Variants in IRF6 observed in about 807,000 individuals in gnomAD.
The protein encoded by IRF6 is interferon regulatory factor 6.
IRF6 carries 6 observed loss-of-function variants against 51.4 expected under a neutral mutation model. The ratio of observed to expected loss-of-function variants is 0.12; its 90% CI spans 0.06 to 0.23. IRF6 has a LOEUF of 0.23. Among genes scored for constraint, IRF6 ranks in the 10% least tolerant of loss-of-function variants. The probability of loss-of-function intolerance (pLI) is 1.00; values close to 1 mark genes in which losing one functional copy is unlikely to be tolerated. For synonymous variants in IRF6, 178 were observed against 215.7 expected (o/e 0.83, Z 1.53); for missense variants, 348 against 585.2 (o/e 0.59, Z 4.18).
chr1:209,801,516 C>T, intron 2 of IRF6, 100 bp from the exon 3 acceptor site: 2 of 939,708 alleles, frequency 2.1e-6, no homozygotes, highest in Admixed American at 2.5e-5. Context: ...GCTACAGTTT[C>T]ACTAGATTAC....
At chr1:209,793,950 G>A (rs1022652483) in intron 5 of IRF6, among the ~76,000 whole-genome samples, 7 of 152,030 alleles carry the variant, frequency 4.6e-5, no homozygotes, top group African/African-American at 9.7e-5. Flanking sequence ...TATGTACCAC[G>A]TTTTCTTTAT....
At chr1:209,797,404 AG>A (rs1238318245) in intron 3 of IRF6, among the ~76,000 whole-genome samples, 4 of 140,582 alleles carry the variant, frequency 2.8e-5, no homozygotes, top group African/African-American at 1.0e-4. Flanking sequence ...AAAGAATTGT[AG>A]AAACCAAGTG....
intron 4 of IRF6, 97 bp from the exon 5 acceptor site, chr1:209,795,515 G>A: frequency 6.4e-7 from 1 of 1,572,844 alleles, no homozygotes; most frequent in East Asian, 2.3e-5. Context: ...CTAGCCCAGA[G>A]GCTCCTCAGG....
intron 3 of IRF6, among the ~76,000 whole-genome samples, chr1:209,799,223 T>C (rs985375578): frequency 2.6e-5 from 4 of 152,186 alleles, no homozygotes; most frequent in African/African-American, 9.7e-5. Flanking sequence ...ACACATGCAG[T>C]TGACGGTAGT....
chr1:209,792,460 G>C lies in IRF6; in HGVS notation c.509-33C>G, dbSNP rs113506583. 35 of 1,609,192 alleles carry C rather than the reference G, an allele frequency of 2.2e-5. 1 individual carries two copies. In the African/African-American group the frequency reaches 3.2e-4, roughly 15 times the overall value. On this transcript the variant is annotated intron_variant, in intron 5 of 8. Transcript: ENST00000367021. ...AAAAGCATATGGTGAGCAGACAGGG[G>C]TACCACACGTGCACATCACTTGCTG...
At position 209,792,438 on chromosome 1, in the gene IRF6, A is replaced by T. The variant is rs750350058; in HGVS notation, c.509-11T>A. ...GCGCCATGGGAGAACCTAAAACAAA[A>T]GCATATGGTGAGCAGACAGGGGTAC... On this transcript the variant is annotated splice_polypyrimidine_tract_variant and intron_variant, in intron 5 of 8. Coordinates refer to ENST00000367021, the MANE Select transcript of IRF6 (RefSeq NM_006147.4). The T allele has an allele frequency of 6.2e-7, 1 of 1,613,444 alleles. No individual in the cohort carries two copies. The highest frequency in any genetic ancestry group is 1.1e-5 in the South Asian group (1 of 91,068).
At chr1:209,797,548 G>T (rs956567667) in intron 3 of IRF6, among the ~76,000 whole-genome samples, 2 of 152,104 alleles carry the variant, frequency 1.3e-5, no homozygotes, top group South Asian at 4.2e-4. Flanking sequence ...ACATCATGCT[G>T]TCAACCACAC....
At chr1:209,799,321 T>TC (rs1403483607) in intron 3 of IRF6, among the ~76,000 whole-genome samples, 2 of 152,096 alleles carry the variant, frequency 1.3e-5, no homozygotes, top group Non-Finnish European at 2.9e-5. Context: ...TGGGTTCAAA[T>TC]CCTACCCCCA....
chr1:209,795,274 C>G lies in IRF6; in HGVS notation c.508+16G>C. The G allele has an allele frequency of 6.2e-7, 1 of 1,614,062 alleles. No homozygotes were observed. Among genetic ancestry groups the G allele is most frequent in the South Asian group, 1.1e-5 (1 of 91,084 alleles). The stretch of plus-strand genomic sequence containing the variant: ...ATCCTCCATATGTCTCTGTACCACC[C>G]ATCATCCCCACTCACCATTGATGTT... On this transcript the variant is annotated intron_variant, in intron 5 of 8. Coordinates refer to ENST00000367021, the MANE Select transcript of IRF6 (RefSeq NM_006147.4).
At chr1:209,801,559 C>A in intron 2 of IRF6, 143 bp from the exon 3 acceptor site, 2 of 677,478 alleles carry the variant, frequency 3.0e-6, no homozygotes, top group East Asian at 2.7e-5. Flanking sequence ...ATAAGCTGTG[C>A]CAGGTGGGAA....
intron 5 of IRF6, among the ~76,000 whole-genome samples, chr1:209,794,437 T>C (rs1396405992): frequency 6.6e-6 from 1 of 152,232 alleles, no homozygotes; most frequent in Non-Finnish European, 1.5e-5. Context: ...CAAGTGTCAT[T>C]TCCTGATTCT....
intron 5 of IRF6, 33 bp downstream of exon 5, chr1:209,795,255 CAT>C (rs755129636): frequency 5.8e-5 from 93 of 1,612,490 alleles, no homozygotes; most frequent in Non-Finnish European, 7.6e-5. Context: ...TTACATCCTC[CAT>C]ATGTCTCTGT....
chr1:209,792,177 T>G (rs777499563), intron 6 of IRF6, 92 bp downstream of exon 6: 1 of 1,404,204 alleles, frequency 7.1e-7, no homozygotes, highest in Non-Finnish European at 1.0e-6. Context: ...AGTTTTTCAA[T>G]ACATGGCAAA....
chr1:209,797,188 C>T lies in IRF6; in HGVS notation c.175-636G>A, dbSNP rs12032428. Among the ~76,000 whole-genome samples the T allele has an allele frequency of 6.1e-3, 927 of 151,894 alleles. 5 individuals carry two copies. Among genetic ancestry groups the T allele is most frequent in the Admixed American group, 0.01 (155 of 15,260 alleles). On this transcript the variant is annotated intron_variant, in intron 3 of 8. Coordinates refer to ENST00000367021, the MANE Select transcript of IRF6 (RefSeq NM_006147.4). ...GAGTTTGAGACCAGCCTGACCAACG[C>T]GGAGAAACTCTGTCTCTACTAAAAA...
chr1:209,805,463 C>G (rs554268209), intron 1 of IRF6, among the ~76,000 whole-genome samples: 1 of 152,330 alleles, frequency 6.6e-6, no homozygotes, highest in Admixed American at 6.5e-5. Flanking sequence ...AAGGGCCTAA[C>G]TGTGCCAAAC....
In IRF6 at chr1:209,796,802, T is replaced by C. The variant is rs1428280681; in HGVS notation, c.175-250A>G. ...TAAAGCCATGTGCAAACACAATATA[T>C]TAAAAGGAGGAACCTTATCTCAAGC... On this transcript the variant is annotated intron_variant, in intron 3 of 8. Coordinates refer to ENST00000367021, the MANE Select transcript of IRF6 (RefSeq NM_006147.4). This position sits in a 1 kb window ranked among gnomAD's most constrained non-coding sequence, Gnocchi z 4.5. Among the ~76,000 whole-genome samples, 2 of 152,062 alleles carry C rather than the reference T, an allele frequency of 1.3e-5. No individual in the cohort carries two copies. The highest frequency in any genetic ancestry group is 2.9e-5 in the Non-Finnish European group (2 of 68,020).
intron 6 of IRF6, 90 bp downstream of exon 6, chr1:209,792,179 C>G (rs1317929793): frequency 2.1e-6 from 3 of 1,413,952 alleles, no homozygotes; most frequent in Non-Finnish European, 3.0e-6. Context: ...TTTTTCAATA[C>G]ATGGCAAAGA....
intron 1 of IRF6, 47 bp from the exon 2 acceptor site, chr1:209,802,090 T>G (rs1487362799): frequency 6.6e-6 from 1 of 152,120 alleles, no homozygotes; most frequent in Non-Finnish European, 1.5e-5. Flanking sequence ...CATACAACAA[T>G]CCAGTGTCTG....
chr1:209,794,729 G>A (rs934640874), intron 5 of IRF6, among the ~76,000 whole-genome samples: 2 of 152,162 alleles, frequency 1.3e-5, no homozygotes, highest in Non-Finnish European at 2.9e-5. Context: ...TCTGTCACAC[G>A]GTGAATTCTC....
Sources: allele counts gnomAD v4.1 joint callset (sites outside exome capture counted in the v4.1 genomes callset), GRCh38; gene constraint gnomAD v4.1.1; non-coding constraint Gnocchi (gnomAD v3.1); transcripts MANE v1.5; gene names NCBI Gene and HGNC (gene_info 2026-07-23, HGNC 2026-07-21).